Variants in MUC6 observed in about 807,000 individuals in gnomAD.
MUC6 encodes the protein mucin-6.
MUC6 carries 188 observed loss-of-function variants against 201.5 expected under a neutral mutation model. The ratio of observed to expected loss-of-function variants is 0.93; its 90% CI spans 0.83 to 1.05. The LOEUF (loss-of-function observed/expected upper bound fraction) is 1.05, where lower values mean the gene tolerates loss of function less well. Among genes scored for constraint, MUC6 ranks in the 50% least tolerant of loss-of-function variants. The pLI is 0.00. For synonymous variants in MUC6, 1,228 were observed against 1,389.4 expected (o/e 0.88, Z 2.58); for missense variants, 2,706 against 3,256.9 (o/e 0.83, Z 4.12).
chr11:1,030,418 C>T, intron 7 of MUC6, 83 bp from the exon 8 acceptor site: 1 of 1,208,160 alleles, frequency 8.3e-7, no homozygotes, highest in South Asian at 1.4e-5. Flanking sequence ...GAGGACTTAG[C>T]CCAGCCCTTC....
Position 1,024,874 on chromosome 11 carries a change from G to A in MUC6, c.3195C>T (p.Asn1065=). ...TGTGGCAGGTGGCAAAGGTCTGGCT[G>A]TTGATGACGCTGCACTTGCGCTCGG... ...SWAERKCSVI[N]SQTFATCHSK... is the part of the protein sequence containing the mutation. Residue 1065 remains asparagine (N), a synonymous_variant, in exon 24 of 33, where the codon AAC becomes AAT. Transcript: ENST00000421673. 1 of 1,612,256 alleles carries A rather than the reference G, an allele frequency of 6.2e-7. No individual in the cohort carries two copies. The highest frequency in any genetic ancestry group is 1.7e-5 in the Admixed American group (1 of 60,026).
intron 28 of MUC6, among the ~76,000 whole-genome samples, 199 bp downstream of exon 28, chr11:1,020,485 G>C (rs1176204366): frequency 1.3e-5 from 2 of 152,202 alleles, no homozygotes; most frequent in African/African-American, 2.4e-5. Flanking sequence ...CGTGGGTCCA[G>C]CCAGGGCCAT....
chr11:1,029,350 G>A lies in MUC6; in HGVS notation c.1153C>T (p.Arg385Cys), dbSNP rs746495508. The A allele has an allele frequency of 3.7e-6, 6 of 1,600,246 alleles. No homozygotes were observed. The highest frequency in any genetic ancestry group is 2.3e-5 in the East Asian group (1 of 44,428). The change falls in exon 10 of 33, where the codon CGC becomes TGC. Residue 385 changes from arginine (R) to cysteine (C), a missense_variant. This residue lies in a region of MUC6 where 1,850 missense variants were observed against 1,958.3 expected (regional missense o/e 0.94). Coordinates refer to ENST00000421673, the MANE Select transcript of MUC6 (RefSeq NM_005961.3). The stretch of plus-strand genomic sequence containing the variant: ...CACGGCCGCTCCGTGCACACCCAGC[G>A]GCCCAGGGTGCACCGGCTGTGGGTG... ...ACQTCRCTLGRWVCTERPCPG... is the reference protein window; with the variant it reads ...ACQTCRCTLGCWVCTERPCPG...
In MUC6 at chr11:1,023,618, C is replaced by T. The variant is rs746507551; in HGVS notation, c.3417G>A (p.Gln1139=). Residue 1139 remains glutamine (Q), a synonymous_variant, in exon 26 of 33, where the codon CAG becomes CAA. Coordinates refer to ENST00000421673, the MANE Select transcript of MUC6 (RefSeq NM_005961.3). ...TGTACTGGTACTCGCCATGGCCGTC[C>T]TGCGTGTGCGTGTTGTAGAAGCCGC... ...IYCGFYNTHT[Q]DGHGEYQYTQ... is the part of the protein sequence containing the mutation. The T allele has an allele frequency of 1.9e-6, 3 of 1,612,936 alleles. No homozygotes were observed. The highest frequency in any genetic ancestry group is 1.1e-5 in the South Asian group (1 of 91,032).
In MUC6 at chr11:1,031,220, G is replaced by C; in HGVS notation, c.523C>G (p.Leu175Val). 4 of 1,587,918 alleles carry C rather than the reference G, an allele frequency of 2.5e-6. No homozygotes were observed. Among genetic ancestry groups the C allele is most frequent in the Non-Finnish European group, 3.4e-6 (4 of 1,168,386 alleles). The change falls in exon 5 of 33, where the codon CTC (leucine) becomes GTC (valine). Residue 175 changes from leucine to valine, a missense_variant. This residue lies in a region of MUC6 where 1,850 missense variants were observed against 1,958.3 expected (regional missense o/e 0.94). Transcript: ENST00000421673. ...ERKYMGQMCG[L>V]CGNFDGKVTN... ...ACCTTCCCGTCAAAGTTCCCGCAGA[G>C]CCCGCACATCTGACCCATGTACTTC...
At chr11:1,023,354 G>T (rs57685000) in intron 26 of MUC6, among the ~76,000 whole-genome samples, 155 bp downstream of exon 26, 1 of 148,062 alleles carries the variant, frequency 6.8e-6, no homozygotes, top group African/African-American at 2.5e-5. Context: ...ATGTGCGTGA[G>T]TGTGTGTGAA....
chr11:1,015,674 C>T, intron 31 of MUC6, 88 bp downstream of exon 31: 7 of 1,484,062 alleles, frequency 4.7e-6, no homozygotes, highest in Non-Finnish European at 6.3e-6. Context: ...GATCACAGGA[C>T]CATGAGGGGT....
At chr11:1,028,571 CT>C in intron 13 of MUC6, 74 bp downstream of exon 13, 1 of 1,565,442 alleles carries the variant, frequency 6.4e-7, no homozygotes, top group Non-Finnish European at 8.7e-7. Context: ...TCTCTTGGAC[CT>C]TTCTCCTCCC....
chr11:1,021,342 T>G, intron 26 of MUC6, 65 bp from the exon 27 acceptor site: 6 of 1,057,276 alleles, frequency 5.7e-6, no homozygotes, highest in Non-Finnish European at 7.8e-6. Context: ...GCGTGTTTCC[T>G]GCCCTGGCGG....
chr11:1,031,376 C>G, intron 4 of MUC6, 117 bp from the exon 5 acceptor site: 1 of 1,180,384 alleles, frequency 8.5e-7, no homozygotes, highest in Non-Finnish European at 1.2e-6. Context: ...ACCTGCTCAT[C>G]TGCCTCTTCT....
In MUC6 at chr11:1,027,344, C is replaced by T. The variant is rs1856985468; in HGVS notation, c.2155G>A (p.Ala719Thr). The T allele has an allele frequency of 6.2e-7, 1 of 1,612,876 alleles. No individual in the cohort carries two copies. The highest frequency in any genetic ancestry group is 1.3e-5 in the African/African-American group (1 of 74,930). The change falls in exon 17 of 33, where the codon GCC becomes ACC. Residue 719 changes from alanine to threonine, a missense_variant. By Grantham distance (58) the Ala-to-Thr change is moderately conservative. Around this residue, in one of 10 missense-constraint regions of MUC6, gnomAD observed 1,850 missense variants for 1,958.3 expected, o/e 0.94. Coordinates refer to ENST00000421673, the MANE Select transcript of MUC6 (RefSeq NM_005961.3). Reference protein sequence around the residue: ...LNQKGECVRKAQCPCILEGYK... With the variant: ...LNQKGECVRKTQCPCILEGYK... ...CCCTCCAGTATGCACGGGCACTGGGCCTTGCGCACACACTCGCCCTTTTGG... is the reference window on the plus strand; with the variant it reads ...CCCTCCAGTATGCACGGGCACTGGGTCTTGCGCACACACTCGCCCTTTTGG...
In MUC6 at chr11:1,023,590, G is replaced by C; in HGVS notation, c.3445C>G (p.Gln1149Glu). 1 of 1,613,062 alleles carries C rather than the reference G, an allele frequency of 6.2e-7. No homozygotes were observed. Among genetic ancestry groups the C allele is most frequent in the Non-Finnish European group, 8.5e-7 (1 of 1,179,774 alleles). ...QDGHGEYQYT[Q>E]EANCTWHYQP... ...TAGTGCCACGTGCAGTTGGCCTCCT[G>C]TGTGTACTGGTACTCGCCATGGCCG... Residue 1149 changes from glutamine (Q) to glutamate (E), a missense_variant, in exon 26 of 33, where the codon CAG becomes GAG. By Grantham distance (29) the Gln-to-Glu change is conservative. Coordinates refer to ENST00000421673, the MANE Select transcript of MUC6 (RefSeq NM_005961.3).
At position 1,029,587 on chromosome 11, in the gene MUC6, G is replaced by A. The variant is rs1445941346; in HGVS notation, c.1044C>T (p.Asn348=). 5 of 1,605,634 alleles carry A rather than the reference G, an allele frequency of 3.1e-6. No homozygotes were observed. In the African/African-American group the frequency reaches 5.4e-5, roughly 17 times the overall value. The change falls in exon 9 of 33, where the codon AAC becomes AAT. Residue 348 remains asparagine (N), a synonymous_variant. Coordinates refer to ENST00000421673, the MANE Select transcript of MUC6 (RefSeq NM_005961.3). ...ACTGGGTGACGGGCACGCAGGTGTG[G>A]TTATTGGAGAGGTCATTCAGGACCG... The part of the protein sequence containing the change: ...EGTVLNDLSN[N]HTCVPVTQCP...
intron 8 of MUC6, 118 bp downstream of exon 8, chr11:1,030,095 A>C: frequency 2.4e-6 from 3 of 1,247,938 alleles, no homozygotes; most frequent in Non-Finnish European, 3.2e-6. Context: ...CAGAGCTGGG[A>C]CTCAGGCAGC....
At chr11:1,019,766 C>T in intron 29 of MUC6, 1 of 616,098 alleles carries the variant, frequency 1.6e-6, no homozygotes, top group Non-Finnish European at 2.9e-6. Context: ...CGTCCTGTCC[C>T]CTCCAGGGTC....
intron 19 of MUC6, among the ~76,000 whole-genome samples, 173 bp downstream of exon 19, chr11:1,026,768 C>T (rs1021846390): frequency 1.7e-4 from 26 of 152,376 alleles, no homozygotes; most frequent in South Asian, 2.1e-4. Flanking sequence ...GCCCTGCAGA[C>T]GAGCCCCCGG....
At chr11:1,032,926 G>T in intron 2 of MUC6, 87 bp downstream of exon 2, 1 of 1,213,674 alleles carries the variant, frequency 8.2e-7, no homozygotes, top group Non-Finnish European at 1.2e-6. Flanking sequence ...GTGTGTCTTG[G>T]GGGTGACCTG....
Position 1,029,627 on chromosome 11 carries a change from G to T in MUC6, c.1016-12C>A, listed in dbSNP as rs757567699. On this transcript the variant is annotated splice_polypyrimidine_tract_variant and intron_variant, in intron 8 of 32. Transcript: ENST00000421673. ...ATTCAGGACCGTACCTGCAGGAGAG[G>T]GTCTTCTTGGGGCTTGGGTGGGACT... 6.4e-7 allele frequency: 1 copy of T among 1,561,258 alleles called. No individual in the cohort carries two copies. Among genetic ancestry groups the T allele is most frequent in the South Asian group, 1.2e-5 (1 of 83,618 alleles).
chr11:1,019,009 G>T (rs1856748180), intron 30 of MUC6, among the ~76,000 whole-genome samples: 1 of 152,150 alleles, frequency 6.6e-6, no homozygotes, highest in African/African-American at 2.4e-5. Flanking sequence ...TCTGTGACTG[G>T]AACCCAGGCC....
Sources: gnomAD v4.1 joint callset for allele counts (sites outside exome capture counted in the v4.1 genomes callset) on GRCh38, gnomAD v4.1.1 for gene constraint, gnomAD v4.1.1 regional missense constraint, MANE v1.5 for transcripts, NCBI Gene and HGNC (gene_info 2026-07-23, HGNC 2026-07-21) for gene names.